Variants in RNF41 observed in about 807,000 individuals in gnomAD.
RNF41 encodes the protein ring finger protein 41, also known as E3 ubiquitin-protein ligase NRDP1.
In RNF41, 4 loss-of-function variants were observed where a neutral mutation model predicts 33.0. That is an observed-to-expected ratio of 0.12 (90% confidence interval 0.06 to 0.28). RNF41 has a LOEUF of 0.28. RNF41 is among the 10% of genes least tolerant of loss of function. The pLI is 1.00. For missense variants in RNF41, 228 were observed against 432.6 expected (o/e 0.53, Z 4.19); for synonymous variants, 164 against 153.2 (o/e 1.07, Z -0.52).
At chr12:56,218,797 G>A (rs868202689) in intron 1 of RNF41, among the ~76,000 whole-genome samples, 2 of 150,936 alleles carry the variant, frequency 1.3e-5, no homozygotes, top group Admixed American at 6.6e-5. Flanking sequence ...TCTGCCTCCC[G>A]GGTTCAAGCG....
intron 4 of RNF41, 30 bp from the exon 5 acceptor site, chr12:56,208,328 C>G (rs1275614457): frequency 6.2e-7 from 1 of 1,611,446 alleles, no homozygotes; most frequent in Admixed American, 1.7e-5. Flanking sequence ...AAGAGCAGAA[C>G]AGAGGTGATC....
In RNF41 at chr12:56,208,069, C is replaced by CT. The variant is rs1298812242; in HGVS notation, c.498+93dup. ...TCATCTAGGCTCACAAGTGTAAGCA[C>CT]TGGTCTGTGTGTTCACAACTGGTTT... On this transcript the variant is annotated intron_variant, in intron 5 of 6. Coordinates refer to ENST00000345093, the MANE Select transcript of RNF41 (RefSeq NM_005785.4). The CT allele has an allele frequency of 1.8e-5, 26 of 1,460,528 alleles. No homozygotes were observed. The African/African-American group carries it at 3.5e-4, about 20-fold the overall frequency. 90.5% of individuals were successfully genotyped at this position (1,460,528 alleles called of 1,614,324 possible). A position where few individuals can be genotyped will look rare whatever the true frequency, so the allele number is the denominator to read the frequency against.
chr12:56,204,522 TTTA>T lies in RNF41; in HGVS notation c.*1922_*1924del, dbSNP rs765959271. 1 of 152,136 alleles carries T rather than the reference TTTA, an allele frequency of 6.6e-6. No individual in the cohort carries two copies. Among genetic ancestry groups the T allele is most frequent in the Admixed American group, 6.6e-5 (1 of 15,234 alleles). The allele number at this position is 152,136 out of a possible 1,614,324, so 9.4% of individuals were successfully genotyped here. ...AGAATTTAGAGAGTTGAGTAAAAGG[TTTA>T]TTATTAGTGCAGTCAACACCATGGA... On this transcript the variant is annotated 3_prime_UTR_variant, in exon 7 of 7. Coordinates refer to ENST00000345093, the MANE Select transcript of RNF41 (RefSeq NM_005785.4).
chr12:56,221,276 G>T (rs963194027), intron 1 of RNF41, among the ~76,000 whole-genome samples: 1 of 152,134 alleles, frequency 6.6e-6, no homozygotes, highest in Non-Finnish European at 1.5e-5. Context: ...TTCATGGAGG[G>T]CTGGGAGGGG....
chr12:56,210,772 G>C (rs1868418681), intron 3 of RNF41, among the ~76,000 whole-genome samples: 1 of 152,190 alleles, frequency 6.6e-6, no homozygotes, highest in Non-Finnish European at 1.5e-5. Flanking sequence ...TGGGCACGGT[G>C]GCTCATGCCT....
chr12:56,205,440 A>G lies in RNF41; in HGVS notation c.*1007T>C, dbSNP rs1868250430. 6.6e-6 allele frequency: 1 copy of G among 151,528 alleles called. No individual in the cohort carries two copies. Among genetic ancestry groups the G allele is most frequent in the African/African-American group, 2.4e-5 (1 of 41,196 alleles). The allele number at this position is 151,528 out of a possible 1,614,324, so 9.4% of individuals were successfully genotyped here. On this transcript the variant is annotated 3_prime_UTR_variant, in exon 7 of 7. Transcript: ENST00000345093. ...CCAGAACCCCCACAATAGGAACATC[A>G]AAAGAAAAGTTTCAAGTTTGATTTT...
chr12:56,213,038 A>G (rs1868596604), intron 3 of RNF41: 2 of 1,289,780 alleles, frequency 1.6e-6, no homozygotes, highest in Non-Finnish European at 2.0e-6. Flanking sequence ...CCAGGATGAT[A>G]CAACTGACTC....
Position 56,208,071 on chromosome 12 carries a change from G to GTGTGTTCACAA in RNF41, c.498+91_498+92insTTGTGAACACA, listed in dbSNP as rs1364639491. Reference sequence around the variant, plus strand: ...ATCTAGGCTCACAAGTGTAAGCACTGGTCTGTGTGTTCACAACTGGTTTTT... The same window carrying GTGTGTTCACAA: ...ATCTAGGCTCACAAGTGTAAGCACTGTGTGTTCACAAGTCTGTGTGTTCACAACTGGTTTTT... On this transcript the variant is annotated intron_variant, in intron 5 of 6. Coordinates refer to ENST00000345093, the MANE Select transcript of RNF41 (RefSeq NM_005785.4). 26 of 1,455,956 alleles carry GTGTGTTCACAA rather than the reference G, an allele frequency of 1.8e-5. No homozygotes were observed. The African/African-American group carries it at 3.5e-4, about 19-fold the overall frequency. 90.2% of individuals were successfully genotyped at this position (1,455,956 alleles called of 1,614,324 possible).
At chr12:56,209,659 G>A (rs1396322470) in intron 4 of RNF41, among the ~76,000 whole-genome samples, 3 of 151,976 alleles carry the variant, frequency 2.0e-5, no homozygotes, top group Admixed American at 2.0e-4. Flanking sequence ...GGGTTTCAAT[G>A]TGTTAGCCAG....
chr12:56,207,577 C>T (rs1868294917), intron 6 of RNF41, 69 bp downstream of exon 6: 2 of 1,196,012 alleles, frequency 1.7e-6, no homozygotes, highest in Non-Finnish European at 2.5e-6. Flanking sequence ...CTGCTACTCT[C>T]CTGCTCTTCC....
chr12:56,210,858 T>A (rs1048254943), intron 3 of RNF41, among the ~76,000 whole-genome samples: 1 of 151,876 alleles, frequency 6.6e-6, no homozygotes, highest in African/African-American at 2.4e-5. Context: ...CCAGACAACA[T>A]GACAAAACCC....
rs1738200701 is a variant in RNF41 at position 56,204,806 on chromosome 12, G to A, written c.*1641C>T. ...AGCTTTCCACCCCAATCCCAGTGGA[G>A]CCATGATCCAACTACCCAGACCTGC... On this transcript the variant is annotated 3_prime_UTR_variant, in exon 7 of 7. Transcript: ENST00000345093. The A allele has an allele frequency of 6.5e-6, 1 of 152,716 alleles. No homozygotes were observed. The highest frequency in any genetic ancestry group is 1.5e-5 in the Non-Finnish European group (1 of 68,110). The allele number at this position is 152,716 out of a possible 1,614,324, so 9.5% of individuals were successfully genotyped here.
At position 56,216,141 on chromosome 12, in the gene RNF41, C is replaced by A. The variant is rs150909001; in HGVS notation, c.-24+288G>T. Among the ~76,000 whole-genome samples, 830 of 150,848 alleles carry A rather than the reference C, an allele frequency of 5.5e-3. 7 individuals are homozygous for A. The highest frequency in any genetic ancestry group is 0.019 in the African/African-American group (799 of 41,226). ...TGTCTCAAAAAAAAAAAAGAAGAAACACATAATCCTTGTCCTCAAACTAAG... is the reference window on the plus strand; with the variant it reads ...TGTCTCAAAAAAAAAAAAGAAGAAAAACATAATCCTTGTCCTCAAACTAAG... On this transcript the variant is annotated intron_variant, in intron 2 of 6. Coordinates refer to ENST00000345093, the MANE Select transcript of RNF41 (RefSeq NM_005785.4).
chr12:56,218,856 A>G (rs1171776288), intron 1 of RNF41, among the ~76,000 whole-genome samples: 1 of 151,730 alleles, frequency 6.6e-6, no homozygotes, highest in Non-Finnish European at 1.5e-5. Flanking sequence ...GGCATGTGCC[A>G]CCATGCTGAG....
At position 56,205,311 on chromosome 12, in the gene RNF41, G is replaced by GT. The variant is rs1262518606; in HGVS notation, c.*1135dup. The GT allele has an allele frequency of 2.0e-5, 3 of 152,158 alleles. No individual in the cohort carries two copies. The highest frequency in any genetic ancestry group is 1.9e-4 in the East Asian group (1 of 5,204). 9.4% of individuals were successfully genotyped at this position (152,158 alleles called of 1,614,324 possible). A position where few individuals can be genotyped will look rare whatever the true frequency, so the allele number is the denominator to read the frequency against. On this transcript the variant is annotated 3_prime_UTR_variant, in exon 7 of 7. Transcript: ENST00000345093. Reference sequence around the variant, plus strand: ...GTTACAGAGGTTTGGGGCAGATATCGTAAGTTCAGCCGAGGACTCCCTTGG... The same window carrying GT: ...GTTACAGAGGTTTGGGGCAGATATCGTTAAGTTCAGCCGAGGACTCCCTTGG...
At position 56,205,364 on chromosome 12, in the gene RNF41, T is replaced by C. The variant is rs988224346; in HGVS notation, c.*1083A>G. 6.6e-6 allele frequency: 1 copy of C among 151,966 alleles called. No individual in the cohort carries two copies. Among genetic ancestry groups the C allele is most frequent in the African/African-American group, 2.4e-5 (1 of 41,348 alleles). The allele number at this position is 151,966 out of a possible 1,614,324, so 9.4% of individuals were successfully genotyped here. On this transcript the variant is annotated 3_prime_UTR_variant, in exon 7 of 7. Coordinates refer to ENST00000345093, the MANE Select transcript of RNF41 (RefSeq NM_005785.4). ...CTTCCTATATTAAAGCCAAAGGTTGTGCTGAAAAGGAAAAAATATAAAACA... is the reference window on the plus strand; with the variant it reads ...CTTCCTATATTAAAGCCAAAGGTTGCGCTGAAAAGGAAAAAATATAAAACA...
Position 56,210,348 on chromosome 12 carries a change from C to T in RNF41, c.311G>A (p.Ser104Asn). ...CCGCTTCGGGTTGTGCTCACAGTCG[C>T]TGAGGTGAGACATGAGGTTGTCAAG... The part of the protein sequence containing the change: ...VRLDNLMSHL[S>N]DCEHNPKRPV... The change falls in exon 4 of 7, where the codon AGC becomes AAC. Residue 104 changes from serine (S) to asparagine (N), a missense_variant. Ser to Asn is a conservative substitution (Grantham distance 46). This residue lies in a region of RNF41 where 199 missense variants were observed against 334.6 expected (regional missense o/e 0.59). Transcript: ENST00000345093. 6.2e-7 allele frequency: 1 copy of T among 1,614,162 alleles called. No homozygotes were observed. The highest frequency in any genetic ancestry group is 8.5e-7 in the Non-Finnish European group (1 of 1,180,026).
chr12:56,213,773 T>C (rs1868652352), intron 3 of RNF41, among the ~76,000 whole-genome samples, 185 bp downstream of exon 3: 1 of 152,188 alleles, frequency 6.6e-6, no homozygotes, highest in Admixed American at 6.5e-5. Flanking sequence ...GGCATCCACC[T>C]CTAGATTGAT....
At position 56,207,634 on chromosome 12, in the gene RNF41, A is replaced by C. The variant is rs1357527880; in HGVS notation, c.602+12T>G. 3 of 1,582,230 alleles carry C rather than the reference A, an allele frequency of 1.9e-6. No individual in the cohort carries two copies. In the East Asian group the frequency reaches 6.7e-5, roughly 35 times the overall value. On this transcript the variant is annotated intron_variant, in intron 6 of 6. Transcript: ENST00000345093. ...GGACATGAAATCACTCCACGTCCTG[A>C]GTGACACTCACTCTAGGATCTCGTT...
Sources: gnomAD v4.1 joint callset for allele counts (sites outside exome capture counted in the v4.1 genomes callset) on GRCh38, gnomAD v4.1.1 for gene constraint, gnomAD v4.1.1 regional missense constraint, MANE v1.5 for transcripts, NCBI Gene and HGNC (gene_info 2026-07-23, HGNC 2026-07-21) for gene names.